Variants in CA11 observed in about 807,000 individuals in gnomAD.
CA11 encodes the protein carbonic anhydrase 11 (inactive).
A neutral mutation model predicts 39.3 loss-of-function variants in CA11; 20 were observed. The observed-to-expected ratio is 0.51, with a 90% CI of 0.36 to 0.74. The LOEUF is 0.74. Ranked by LOEUF, CA11 falls within the 30% of genes least tolerant of loss-of-function variation. CA11 has a pLI of 0.00. For missense variants in CA11, 336 were observed against 424.6 expected (o/e 0.79, Z 1.83); for synonymous variants, 166 against 172.5 (o/e 0.96, Z 0.29).
In CA11 at chr19:48,645,835, T is replaced by G. The variant is rs543236525; in HGVS notation, c.-203A>C. 17 of 538,798 alleles carry G rather than the reference T, an allele frequency of 3.2e-5. No homozygotes were observed. In the East Asian group the frequency reaches 5.3e-4, roughly 17 times the overall value. 33.4% of individuals were successfully genotyped at this position (538,798 alleles called of 1,614,324 possible). ...CCACTCTTCTTCTCTCTCCCGTCTC[T>G]CTGTGTCTTTCCTCTTTCCTCTGCT... On this transcript the variant is annotated 5_prime_UTR_variant, in exon 1 of 9. Coordinates refer to ENST00000084798, the MANE Select transcript of CA11 (RefSeq NM_001217.5).
Position 48,640,942 on chromosome 19 carries a change from G to A in CA11, c.286-662C>T, listed in dbSNP as rs193125101. On this transcript the variant is annotated intron_variant, in intron 3 of 8. Transcript: ENST00000084798. Reference sequence around the variant, plus strand: ...GCCCGCCTCAGCCTCCCAAAGTGCTGGGATTACAGGCATGAGCCACCGCGC... The same window carrying A: ...GCCCGCCTCAGCCTCCCAAAGTGCTAGGATTACAGGCATGAGCCACCGCGC... Among the ~76,000 whole-genome samples, 383 of 152,048 alleles carry A rather than the reference G, an allele frequency of 2.5e-3. 2 individuals carry two copies. The highest frequency in any genetic ancestry group is 8.9e-3 in the African/African-American group (368 of 41,494).
At position 48,639,630 on chromosome 19, in the gene CA11, G is replaced by T; in HGVS notation, c.568-9C>A. The T allele has an allele frequency of 6.2e-7, 1 of 1,613,650 alleles. No individual in the cohort carries two copies. Among genetic ancestry groups the T allele is most frequent in the Non-Finnish European group, 8.5e-7 (1 of 1,179,810 alleles). ...TTAGAGGTACTGGCAACCTGTGTGG[G>T]GGTACGAGGTGAGGACACAGGAGCC... On this transcript the variant is annotated splice_polypyrimidine_tract_variant and intron_variant, in intron 5 of 8. Coordinates refer to ENST00000084798, the MANE Select transcript of CA11 (RefSeq NM_001217.5).
chr19:48,640,367 CTTTTTTTTTTTTT>C (rs11372081), intron 3 of CA11, 87 bp from the exon 4 acceptor site: 29 of 324,786 alleles, frequency 8.9e-5, no homozygotes, highest in Middle Eastern at 1.0e-3. Context: ...TTCCAACAGT[CTTTTTTTTTTTTT>C]TTTTTTTTTT....
intron 3 of CA11, among the ~76,000 whole-genome samples, chr19:48,641,823 C>CTTTTTTTT (rs71179023): frequency 1.4e-4 from 13 of 92,260 alleles, no homozygotes; most frequent in African/African-American, 2.4e-4. Context: ...TTTCAATTTT[C>CTTTTTTTT]TTTTTTTTTT....
intron 3 of CA11, among the ~76,000 whole-genome samples, chr19:48,644,152 G>A (rs1028950788): frequency 2.6e-5 from 4 of 152,050 alleles, no homozygotes; most frequent in Non-Finnish European, 5.9e-5. Context: ...TTTGTGGGGT[G>A]GTTATGAGAT....
chr19:48,644,321 C>T (rs2031179205), intron 3 of CA11, 106 bp downstream of exon 3: 5 of 1,055,838 alleles, frequency 4.7e-6, no homozygotes, highest in East Asian at 2.5e-5. Context: ...CACTGGGTGT[C>T]CCCTCCTCCC....
chr19:48,644,760 A>C (rs2031194988), intron 2 of CA11, among the ~76,000 whole-genome samples, 191 bp from the exon 3 acceptor site: 1 of 151,932 alleles, frequency 6.6e-6, no homozygotes, highest in Non-Finnish European at 1.5e-5. Context: ...AGAATCTTGG[A>C]ATAGTTTCCA....
chr19:48,646,069 C>T lies in CA11; in HGVS notation c.-437G>A. The T allele has an allele frequency of 2.9e-6, 1 of 346,672 alleles. No homozygotes were observed. Among genetic ancestry groups the T allele is most frequent in the Non-Finnish European group, 5.2e-6 (1 of 192,552 alleles). The allele number at this position is 346,672 out of a possible 1,614,324, so 21.5% of individuals were successfully genotyped here. A position where few individuals can be genotyped will look rare whatever the true frequency, so the allele number is the denominator to read the frequency against. On this transcript the variant is annotated 5_prime_UTR_variant, in exon 1 of 9. Coordinates refer to ENST00000084798, the MANE Select transcript of CA11 (RefSeq NM_001217.5). Reference sequence around the variant, plus strand: ...CTCTCCTTTCCAGCTCCTGCCTCTTCTCCCCTCTCTCCTTCTTCACCTCCT... The same window carrying T: ...CTCTCCTTTCCAGCTCCTGCCTCTTTTCCCCTCTCTCCTTCTTCACCTCCT...
chr19:48,643,178 GCTCT>G lies in CA11; in HGVS notation c.285+1245_285+1248del, dbSNP rs555919035. 1.4e-3 allele frequency among the ~76,000 whole-genome samples: 206 copies of G among 146,904 alleles called. 1 individual carries two copies. The highest frequency in any genetic ancestry group is 4.6e-3 in the South Asian group (21 of 4,614). On this transcript the variant is annotated intron_variant, in intron 3 of 8. Transcript: ENST00000084798. This position sits in a 1 kb window ranked among gnomAD's most constrained non-coding sequence, Gnocchi z 4.3. ...TTCTCTCTTTCTCTCTTTCTTTCTC[GCTCT>G]CTCTCTTTCTTTTCTCTCCCTCTCT...
At chr19:48,638,257 C>T (rs1435955962) in intron 8 of CA11, 113 bp from the exon 9 acceptor site, 9 of 1,186,152 alleles carry the variant, frequency 7.6e-6, no homozygotes, top group South Asian at 6.5e-5. Context: ...AGTCTGCGAG[C>T]GGGGAACCAG....
rs1317356431 is a variant in CA11, at chr19:48,643,999, G to A, written c.285+428C>T. ...GTAATCCCAACTACTCGGGAGGCTG[G>A]GGCAGGAGAATCGCTTGAACCTGGG... On this transcript the variant is annotated intron_variant, in intron 3 of 8. Coordinates refer to ENST00000084798, the MANE Select transcript of CA11 (RefSeq NM_001217.5). The surrounding 1 kb of genome is among the most constrained non-coding windows in gnomAD (Gnocchi z 4.3). Among the ~76,000 whole-genome samples the A allele has an allele frequency of 6.6e-6, 1 of 151,800 alleles. No individual in the cohort carries two copies. Among genetic ancestry groups the A allele is most frequent in the Non-Finnish European group, 1.5e-5 (1 of 67,944 alleles).
At chr19:48,640,673 CT>C (rs542844572) in intron 3 of CA11, among the ~76,000 whole-genome samples, 53 of 119,692 alleles carry the variant, frequency 4.4e-4, no homozygotes, top group Middle Eastern at 6.3e-3. Flanking sequence ...CGCACCCGGT[CT>C]TTTTTTTTTT....
intron 2 of CA11, among the ~76,000 whole-genome samples, 173 bp from the exon 3 acceptor site, chr19:48,644,742 G>A (rs1052629641): frequency 4.6e-5 from 7 of 152,102 alleles, no homozygotes; most frequent in African/African-American, 1.7e-4. Context: ...AGAATTCTGG[G>A]TCCTAGAAGA....
Position 48,641,944 on chromosome 19 carries a change from G to A in CA11, c.286-1664C>T, listed in dbSNP as rs183991529. Among the ~76,000 whole-genome samples, 25 of 146,336 alleles carry A rather than the reference G, an allele frequency of 1.7e-4. 1 individual carries two copies. In the East Asian group the frequency reaches 3.7e-3, roughly 22 times the overall value. Reference sequence around the variant, plus strand: ...CCTCTGAAAAATACTGGAATTACACGCATGAAGCACTGCACCTGGCCAAAG... The same window carrying A: ...CCTCTGAAAAATACTGGAATTACACACATGAAGCACTGCACCTGGCCAAAG... On this transcript the variant is annotated intron_variant, in intron 3 of 8. Coordinates refer to ENST00000084798, the MANE Select transcript of CA11 (RefSeq NM_001217.5).
At position 48,644,409 on chromosome 19, in the gene CA11, T is replaced by C. The variant is rs1262385233; in HGVS notation, c.285+18A>G. ...CATCCCCAGTGGGTTCAATAGCTCC[T>C]CCCTCCAAGCCCCTTACCTTCTCTC... On this transcript the variant is annotated intron_variant, in intron 3 of 8. Transcript: ENST00000084798. 2 of 1,553,952 alleles carry C rather than the reference T, an allele frequency of 1.3e-6. No homozygotes were observed. The highest frequency in any genetic ancestry group is 1.7e-6 in the Non-Finnish European group (2 of 1,144,050).
intron 3 of CA11, among the ~76,000 whole-genome samples, chr19:48,642,236 C>T (rs1464143639): frequency 6.6e-6 from 1 of 152,164 alleles, no homozygotes; most frequent in Non-Finnish European, 1.5e-5. Flanking sequence ...TGGTGGCTCA[C>T]GCCTGTAATC....
intron 8 of CA11, 145 bp downstream of exon 8, chr19:48,638,743 G>A: frequency 1.1e-6 from 1 of 905,388 alleles, no homozygotes; most frequent in Non-Finnish European, 1.6e-6. Context: ...GACATGTAGG[G>A]AAAGAGAGAA....
chr19:48,639,657 A>G, intron 5 of CA11, 36 bp from the exon 6 acceptor site: 1 of 1,609,460 alleles, frequency 6.2e-7, no homozygotes, highest in Non-Finnish European at 8.5e-7. Flanking sequence ...ACAGGAGCCC[A>G]GAAGTCCAAG....
chr19:48,645,530 C>T, intron 1 of CA11, 36 bp downstream of exon 1: 1 of 1,596,322 alleles, frequency 6.3e-7, no homozygotes. Context: ...CCTCCACCCT[C>T]CCTCGGGGGC....
Sources: gnomAD v4.1 joint callset for allele counts (sites outside exome capture counted in the v4.1 genomes callset) on GRCh38, gnomAD v4.1.1 for gene constraint, Gnocchi (gnomAD v3.1) non-coding constraint, MANE v1.5 for transcripts, NCBI Gene and HGNC (gene_info 2026-07-23, HGNC 2026-07-21) for gene names.